The following TIAM2 variants were observed in gnomAD, a reference collection of about 807,000 sequenced individuals.
TIAM2 encodes the protein TIAM Rac1 associated GEF 2, also known as rho guanine nucleotide exchange factor TIAM2.
Under a neutral mutation model 152.9 loss-of-function variants are expected in TIAM2, and 80 were observed. The observed-to-expected ratio is 0.52, with a 90% confidence interval of 0.44 to 0.63. TIAM2 has a LOEUF of 0.63. Among genes scored for constraint, TIAM2 ranks in the 30% least tolerant of loss-of-function variants. The pLI is 0.00. For synonymous variants in TIAM2, 804 were observed against 838.0 expected, an observed-to-expected ratio of 0.96 and a Z score of 0.70; for missense variants, 1,965 against 2,120.1, an observed-to-expected ratio of 0.93 and a Z score of 1.44.
At chr6:155,002,503 T>C (rs1778329542) in intron 1 of TIAM2, among the ~76,000 whole-genome samples, 1 of 152,194 alleles carries the variant, frequency 6.6e-6, no homozygotes, top group Non-Finnish European at 1.5e-5. Context: ...CTGTCATTTT[T>C]TTCCTTGCAT....
chr6:155,011,538 C>G (rs1778489468), intron 1 of TIAM2, among the ~76,000 whole-genome samples: 1 of 151,600 alleles, frequency 6.6e-6, no homozygotes. Context: ...TGCACACTTC[C>G]TTCGGTCATA....
intron 15 of TIAM2, among the ~76,000 whole-genome samples, chr6:155,234,598 T>G (rs1782649683): frequency 6.6e-6 from 1 of 152,204 alleles, no homozygotes; most frequent in Non-Finnish European, 1.5e-5. Flanking sequence ...AGCGATGGGT[T>G]TCCCTTATGT....
At chr6:155,175,603 G>A (rs1243979022) in intron 9 of TIAM2, among the ~76,000 whole-genome samples, 4 of 152,238 alleles carry the variant, frequency 2.6e-5, no homozygotes, top group East Asian at 1.9e-4. Context: ...TGAATCGTAC[G>A]TAGCAAGGTA....
At chr6:155,188,480 G>A (rs184527439) in intron 14 of TIAM2, among the ~76,000 whole-genome samples, 54 of 152,358 alleles carry the variant, frequency 3.5e-4, no homozygotes, top group Admixed American at 1.9e-3. Flanking sequence ...ACAGTGGAGA[G>A]AGGAAATGTC....
intron 1 of TIAM2, among the ~76,000 whole-genome samples, chr6:154,997,333 A>G (rs1019988923): frequency 6.6e-5 from 10 of 152,308 alleles, no homozygotes; most frequent in African/African-American, 2.4e-4. Flanking sequence ...ACATTTTTGT[A>G]TATACCTCTG....
At chr6:155,230,010 T>C (rs1782394531) in intron 15 of TIAM2, among the ~76,000 whole-genome samples, 1 of 151,930 alleles carries the variant, frequency 6.6e-6, no homozygotes, top group South Asian at 2.1e-4. Flanking sequence ...ATGGGAATCA[T>C]TACAATTCAA....
intron 1 of TIAM2, among the ~76,000 whole-genome samples, chr6:155,057,412 C>T (rs1163821300): frequency 6.6e-6 from 1 of 151,876 alleles, no homozygotes; most frequent in African/African-American, 2.4e-5. Context: ...ATTGTTATCA[C>T]GTGATATCAC....
At chr6:155,170,925 C>T (rs1225289886) in intron 9 of TIAM2, among the ~76,000 whole-genome samples, 1 of 152,160 alleles carries the variant, frequency 6.6e-6, no homozygotes, top group African/African-American at 2.4e-5. Flanking sequence ...TAACTAGATT[C>T]AGATAGAATG....
chr6:155,134,396 C>T (rs1779511438), intron 4 of TIAM2, among the ~76,000 whole-genome samples: 1 of 84,590 alleles, frequency 1.2e-5, no homozygotes, highest in Non-Finnish European at 2.6e-5. Context: ...TGCATCCCCC[C>T]ACCCCCCCCC....
In TIAM2 at chr6:155,181,174, C is replaced by T. The variant is rs926036139; in HGVS notation, c.2708-1052C>T. On this transcript the variant is annotated intron_variant, in intron 12 of 26. Transcript: ENST00000682666. ...TTCTTGCTGTCCTCAAAGAACTCTC[C>T]GTATTAGGGGACCAAGACATGGAAA... is the stretch of plus-strand genomic sequence containing the variant. Among the ~76,000 whole-genome samples the T allele has an allele frequency of 2.6e-4, 39 of 152,260 alleles. No individual in the cohort carries two copies. In the East Asian group the frequency reaches 3.3e-3, roughly 13 times the overall value.
At chr6:155,063,867 A>G (rs192633129) in intron 1 of TIAM2, among the ~76,000 whole-genome samples, 31 of 152,254 alleles carry the variant, frequency 2.0e-4, no homozygotes, top group African/African-American at 4.1e-4. Context: ...TAAAAAATAA[A>G]CAATGTGCAT....
At chr6:154,999,067 T>C (rs956402567) in intron 1 of TIAM2, among the ~76,000 whole-genome samples, 3 of 152,142 alleles carry the variant, frequency 2.0e-5, no homozygotes, top group Admixed American at 2.0e-4. Context: ...TAAGAAATGA[T>C]GCAAAGTCCA....
At position 155,245,614 on chromosome 6, in the gene TIAM2, C is replaced by A; in HGVS notation, c.3544-9C>A. ...ATGTCTGATTTGACTTTCCCCTCTG[C>A]CCTTCTAGAAATTACTGTTTTCCCT... On this transcript the variant is annotated splice_polypyrimidine_tract_variant and intron_variant, in intron 18 of 26. Transcript: ENST00000682666. 1.9e-6 allele frequency: 3 copies of A among 1,608,308 alleles called. No homozygotes were observed. The highest frequency in any genetic ancestry group is 2.6e-6 in the Non-Finnish European group (3 of 1,174,868).
intron 2 of TIAM2, among the ~76,000 whole-genome samples, chr6:155,102,533 G>A (rs914628433): frequency 6.6e-6 from 1 of 152,108 alleles, no homozygotes; most frequent in African/African-American, 2.4e-5. Flanking sequence ...TCATGTGATA[G>A]TGGCTCTCAA....
rs958195942 is a variant in TIAM2 at position 155,020,975 on chromosome 6, A to G, written c.-209+25483A>G. Among the ~76,000 whole-genome samples, 6 of 152,164 alleles carry G rather than the reference A, an allele frequency of 3.9e-5. No homozygotes were observed. In the South Asian group the frequency reaches 1.2e-3, roughly 32 times the overall value. On this transcript the variant is annotated intron_variant, in intron 1 of 26. Coordinates refer to ENST00000682666, the MANE Select transcript of TIAM2 (RefSeq NM_012454.4). ...AGGCACCTCATATAAGTGGAATCAT[A>G]CAGTATTTGTTCTTTTGTGACTGGC...
rs554638019 is a variant in TIAM2, at chr6:155,183,324, A to G, written c.2888A>G (p.Glu963Gly). 3.3e-5 allele frequency: 53 copies of G among 1,614,106 alleles called. No individual in the cohort carries two copies. In the South Asian group the frequency reaches 4.8e-4, roughly 15 times the overall value. ...AAGCAGATGGAGGCCCTGTTTTCTG[A>G]GAAGAGCGTCGGACTCACTCTGATT... Reference protein sequence around the residue: ...DLKQMEALFSEKSVGLTLIAR... With the variant: ...DLKQMEALFSGKSVGLTLIAR... The change falls in exon 14 of 27, where the codon GAG (glutamate) becomes GGG (glycine). Residue 963 changes from glutamate to glycine, a missense_variant. Glu to Gly is a moderately conservative substitution (Grantham distance 98, BLOSUM62 -2). This residue lies in a region of TIAM2 where 935 missense variants were observed against 980.0 expected (regional missense o/e 0.95). Transcript: ENST00000682666.
At chr6:155,027,279 G>A (rs935517870) in intron 1 of TIAM2, among the ~76,000 whole-genome samples, 1 of 150,260 alleles carries the variant, frequency 6.7e-6, no homozygotes, top group African/African-American at 2.4e-5. Context: ...ACTTGCCTGG[G>A]CCTCCCAAAG....
At chr6:155,241,961 T>C (rs1783054522) in intron 16 of TIAM2, among the ~76,000 whole-genome samples, 2 of 152,194 alleles carry the variant, frequency 1.3e-5, no homozygotes, top group Admixed American at 1.3e-4. Context: ...GGAGAATCGA[T>C]GTCCCTTTTT....
intron 1 of TIAM2, among the ~76,000 whole-genome samples, chr6:155,007,837 G>A (rs1778425184): frequency 6.6e-6 from 1 of 152,150 alleles, no homozygotes; most frequent in Non-Finnish European, 1.5e-5. Flanking sequence ...TGAGCCCGTC[G>A]GATGGTTGCC....
Sources: gnomAD v4.1 joint callset for allele counts (sites outside exome capture counted in the v4.1 genomes callset) on GRCh38, gnomAD v4.1.1 for gene constraint, gnomAD v4.1.1 regional missense constraint, MANE v1.5 for transcripts, NCBI Gene and HGNC (gene_info 2026-07-23, HGNC 2026-07-21) for gene names.